Variants in NCOA6 observed in about 807,000 individuals in gnomAD.
NCOA6 encodes the protein NRC RAP250.
Under a neutral mutation model 171.4 loss-of-function variants are expected in NCOA6, and 49 were observed. The ratio of observed to expected loss-of-function variants is 0.29; its 90% CI spans 0.23 to 0.36. The LOEUF (loss-of-function observed/expected upper bound fraction) is 0.36. NCOA6 is among the 10% of genes least tolerant of loss of function. NCOA6 has a pLI of 1.00. For synonymous variants in NCOA6, 910 were observed against 927.5 expected (o/e 0.98, Z 0.34); for missense variants, 2,248 against 2,554.5 (o/e 0.88, Z 2.59).
intron 3 of NCOA6, among the ~76,000 whole-genome samples, chr20:34,778,824 T>C (rs1445680862): frequency 1.3e-5 from 2 of 151,534 alleles, no homozygotes; most frequent in South Asian, 2.1e-4. Context: ...CCTGGTGTGG[T>C]GGCGGGCGCC....
At position 34,750,499 on chromosome 20, in the gene NCOA6, G is replaced by A. The variant is rs1568772494; in HGVS notation, c.1696C>T (p.Pro566Ser). Reference protein sequence around the residue: ...QHAGGQGAGPPQNQMQVSHGP... With the variant: ...QHAGGQGAGPSQNQMQVSHGP... ...TGGGACACCTGCATCTGGTTTTGAG[G>A]AGGACCAGCTCCTTGACCACCTTAA... is the stretch of plus-strand genomic sequence containing the variant. Residue 566 changes from proline (P) to serine (S), a missense_variant, in exon 9 of 15, where the codon CCT becomes TCT. By Grantham distance (74) the Pro-to-Ser change is moderately conservative. Coordinates refer to ENST00000359003, the MANE Select transcript of NCOA6 (RefSeq NM_014071.5). The A allele has an allele frequency of 1.9e-6, 3 of 1,607,408 alleles. No individual in the cohort carries two copies. Among genetic ancestry groups the A allele is most frequent in the East Asian group, 2.2e-5 (1 of 44,688 alleles).
chr20:34,776,307 G>A lies in NCOA6; in HGVS notation c.377C>T (p.Ser126Phe), dbSNP rs1479143878. ...AAGTAAAAGACCTTCAATCTGAACG[G>A]AGAGAATCCCTAAATCCCGAAGCTG... ...NQQLRDLGIL[S>F]VQIEGEGAIN... is the part of the protein sequence containing the mutation. Residue 126 changes from serine (S) to phenylalanine (F), a missense_variant, in exon 4 of 15, where the codon TCC (serine) becomes TTC (phenylalanine). By Grantham distance (155) the Ser-to-Phe change is radical. Coordinates refer to ENST00000359003, the MANE Select transcript of NCOA6 (RefSeq NM_014071.5). The A allele has an allele frequency of 1.2e-6, 2 of 1,613,802 alleles. No individual in the cohort carries two copies. Among genetic ancestry groups the A allele is most frequent in the African/African-American group, 2.7e-5 (2 of 74,928 alleles).
In NCOA6 at chr20:34,758,936, A is replaced by G. The variant is rs751409060; in HGVS notation, c.515-3T>C. 3 of 1,613,476 alleles carry G rather than the reference A, an allele frequency of 1.9e-6. No individual in the cohort carries two copies. Among genetic ancestry groups the G allele is most frequent in the Non-Finnish European group, 1.7e-6 (2 of 1,179,804 alleles). On this transcript the variant is annotated splice_polypyrimidine_tract_variant and splice_region_variant and intron_variant, in intron 5 of 14. Coordinates refer to ENST00000359003, the MANE Select transcript of NCOA6 (RefSeq NM_014071.5). ...AGGGTTGTTCATCCTTATTATTCCT[A>G]GAAAAAAGATCCCTAAAATAGAGTA... is the stretch of plus-strand genomic sequence containing the variant.
chr20:34,787,710 A>G (rs2077728766), intron 2 of NCOA6, among the ~76,000 whole-genome samples: 1 of 152,178 alleles, frequency 6.6e-6, no homozygotes, highest in African/African-American at 2.4e-5. Flanking sequence ...TTCGCCCAGG[A>G]GAACTTAAGG....
intron 1 of NCOA6, among the ~76,000 whole-genome samples, chr20:34,801,836 G>C (rs1386324923): frequency 6.6e-6 from 1 of 152,060 alleles, no homozygotes; most frequent in Non-Finnish European, 1.5e-5. Context: ...ATGCACTCCA[G>C]CCTCGGCGAC....
chr20:34,818,892 A>T (rs1304775364), intron 1 of NCOA6, among the ~76,000 whole-genome samples: 1 of 152,210 alleles, frequency 6.6e-6, no homozygotes, highest in Non-Finnish European at 1.5e-5. Context: ...TCCACAATAC[A>T]AGTAAAAAGA....
rs2076126343 is a variant in NCOA6 at position 34,741,068 on chromosome 20, G to C, written c.5188C>G (p.Arg1730Gly). The C allele has an allele frequency of 6.2e-7, 1 of 1,614,208 alleles. No individual in the cohort carries two copies. The highest frequency in any genetic ancestry group is 8.5e-7 in the Non-Finnish European group (1 of 1,180,040). Residue 1730 changes from arginine to glycine, a missense_variant, in exon 11 of 15, where the codon CGA becomes GGA. By Grantham distance (125) the Arg-to-Gly change is moderately radical. Transcript: ENST00000359003. ...GCTCGTGAGCTAAGGACCAAAGGTCGACCTGTCTGGATGTTTGGAGCAGGA... is the reference window on the plus strand; with the variant it reads ...GCTCGTGAGCTAAGGACCAAAGGTCCACCTGTCTGGATGTTTGGAGCAGGA... ...SSPAPNIQTGRPLVLSSRATP... is the reference protein window; with the variant it reads ...SSPAPNIQTGGPLVLSSRATP...
Position 34,742,471 on chromosome 20 carries a change from G to A in NCOA6, c.3785C>T (p.Pro1262Leu), listed in dbSNP as rs34684180. The A allele has an allele frequency of 7.4e-6, 12 of 1,614,154 alleles. No individual in the cohort carries two copies. Among genetic ancestry groups the A allele is most frequent in the Non-Finnish European group, 1.0e-5 (12 of 1,180,016 alleles). Reference protein sequence around the residue: ...FPPQINIPLPPRPNLNRGFDQ... With the variant: ...FPPQINIPLPLRPNLNRGFDQ... ...AAAGCCCCTGTTTAAATTTGGCCTA[G>A]GAGGTAAAGGAATATTAATCTGTGG... The change falls in exon 11 of 15, where the codon CCT (proline) becomes CTT (leucine). Residue 1262 changes from proline (P) to leucine (L), a missense_variant. Around this residue, in one of 7 missense-constraint regions of NCOA6, gnomAD observed 14 missense variants for 17.6 expected, o/e 0.80. Coordinates refer to ENST00000359003, the MANE Select transcript of NCOA6 (RefSeq NM_014071.5).
intron 14 of NCOA6, among the ~76,000 whole-genome samples, chr20:34,719,239 C>T (rs1988991431): frequency 6.6e-6 from 1 of 152,158 alleles, no homozygotes; most frequent in African/African-American, 2.4e-5. Flanking sequence ...GTGACCTCTA[C>T]CATCCAAGGA....
intron 14 of NCOA6, among the ~76,000 whole-genome samples, chr20:34,721,435 T>A (rs1364265465): frequency 4.2e-5 from 2 of 47,598 alleles, no homozygotes; most frequent in African/African-American, 1.6e-4. Context: ...TGGCTGTTCA[T>A]TTCTATCCTT....
At chr20:34,735,558 G>A (rs1190732502) in intron 12 of NCOA6, among the ~76,000 whole-genome samples, 4 of 151,744 alleles carry the variant, frequency 2.6e-5, no homozygotes, top group Non-Finnish European at 4.4e-5. Flanking sequence ...GCAGGAGAAT[G>A]GTGTGAACCC....
At position 34,743,032 on chromosome 20, in the gene NCOA6, C is replaced by A; in HGVS notation, c.3224G>T (p.Ser1075Ile). ...TTGCAGACTGACCATGACAGGCACA[C>A]TGCCACTCTGTTGCATGGGCATTCT... is the stretch of plus-strand genomic sequence containing the variant. Reference protein sequence around the residue: ...SQRMPMQQSGSVPVMVSLQGP... With the variant: ...SQRMPMQQSGIVPVMVSLQGP... The change falls in exon 11 of 15, where the codon AGT (serine) becomes ATT (isoleucine). Residue 1075 changes from serine to isoleucine, a missense_variant. Around this residue, in one of 7 missense-constraint regions of NCOA6, gnomAD observed 352 missense variants for 419.1 expected, o/e 0.84. Coordinates refer to ENST00000359003, the MANE Select transcript of NCOA6 (RefSeq NM_014071.5). 1.2e-6 allele frequency: 2 copies of A among 1,613,898 alleles called. No homozygotes were observed. Among genetic ancestry groups the A allele is most frequent in the East Asian group, 2.2e-5 (1 of 44,876 alleles).
intron 4 of NCOA6, among the ~76,000 whole-genome samples, chr20:34,773,897 T>A (rs929742322): frequency 2.0e-5 from 3 of 152,172 alleles, no homozygotes; most frequent in African/African-American, 7.2e-5. Context: ...TCACTTTCAC[T>A]CCTGCTGAAT....
At chr20:34,766,209 T>C (rs916519599) in intron 5 of NCOA6, among the ~76,000 whole-genome samples, 1 of 152,210 alleles carries the variant, frequency 6.6e-6, no homozygotes, top group African/African-American at 2.4e-5. Context: ...TGATTATTCC[T>C]GAAACTTTAT....
In NCOA6 at chr20:34,749,703, G is replaced by T. The variant is rs61754975; in HGVS notation, c.2492C>A (p.Pro831His). 1.8e-4 allele frequency: 292 copies of T among 1,614,106 alleles called. No individual in the cohort carries two copies. The highest frequency in any genetic ancestry group is 2.3e-4 in the Non-Finnish European group (267 of 1,180,050). ...GTTTCCCTGCATGGCCTGCACATGA[G>T]GGGGGACCATGTTGGTTTGTTGAAT... The part of the protein sequence containing the change: ...VSIQQTNMVP[P>H]HVQAMQGNSA... The change falls in exon 9 of 15, where the codon CCT becomes CAT. Residue 831 changes from proline (P) to histidine (H), a missense_variant. By Grantham distance (77) the Pro-to-His change is moderately conservative. This residue lies in a region of NCOA6 where 987 missense variants were observed against 1,104.7 expected (regional missense o/e 0.89). Transcript: ENST00000359003.
intron 2 of NCOA6, among the ~76,000 whole-genome samples, chr20:34,786,202 TTC>T (rs1343741663): frequency 1.3e-5 from 2 of 152,212 alleles, no homozygotes; most frequent in Non-Finnish European, 2.9e-5. Context: ...CCCTTATCAT[TTC>T]TGATTGTGCT....
At chr20:34,804,776 G>A (rs2078388911) in intron 1 of NCOA6, among the ~76,000 whole-genome samples, 1 of 152,010 alleles carries the variant, frequency 6.6e-6, no homozygotes, top group African/African-American at 2.4e-5. Flanking sequence ...TATACAATGT[G>A]TAATAATCAA....
intron 14 of NCOA6, among the ~76,000 whole-genome samples, chr20:34,722,985 C>T (rs938739911): frequency 5.9e-5 from 9 of 151,822 alleles, no homozygotes; most frequent in African/African-American, 2.2e-4. Flanking sequence ...CTGGCCTGGG[C>T]GACAGAGTGA....
intron 8 of NCOA6, among the ~76,000 whole-genome samples, chr20:34,753,883 G>T (rs2076567975): frequency 6.6e-6 from 1 of 152,138 alleles, no homozygotes; most frequent in Non-Finnish European, 1.5e-5. Context: ...CAGGAGGGAT[G>T]GGAATTCAGA....
Sources: allele counts gnomAD v4.1 joint callset (sites outside exome capture counted in the v4.1 genomes callset), GRCh38; gene constraint gnomAD v4.1.1; regional missense constraint gnomAD v4.1.1; transcripts MANE v1.5; gene names NCBI Gene and HGNC (gene_info 2026-07-23, HGNC 2026-07-21).